Variants in TENM2 observed in about 807,000 individuals in gnomAD.
The protein encoded by TENM2 is teneurin-2.
TENM2 carries 52 observed loss-of-function variants against 245.2 expected under a neutral mutation model. The observed-to-expected ratio is 0.21, with a 90% CI of 0.17 to 0.27. The LOEUF (loss-of-function observed/expected upper bound fraction) is 0.27, where lower values mean the gene tolerates loss of function less well. TENM2 is among the 10% of genes least tolerant of loss of function. The pLI is 1.00. For synonymous variants in TENM2, 1,363 were observed against 1,438.9 expected, an observed-to-expected ratio of 0.95 and a Z score of 1.19; for missense variants, 3,046 against 3,666.8, an observed-to-expected ratio of 0.83 and a Z score of 4.37.
At chr5:167,075,098 A>T in the TENM2 span, among the ~76,000 whole-genome samples, 2 of 152,154 alleles carry the variant, frequency 1.3e-5, no homozygotes, top group East Asian at 1.9e-4. Context: ...TTTGGAAGAA[A>T]TAGGAAGGCG....
intron 2 of TENM2, among the ~76,000 whole-genome samples, chr5:167,745,388 A>G (rs1761485808): frequency 6.6e-6 from 1 of 152,238 alleles, no homozygotes; most frequent in Admixed American, 6.5e-5. Flanking sequence ...CAGTGTCTCC[A>G]TGCTGGCTAT....
chr5:167,847,818 A>C (rs1421983), intron 2 of TENM2, among the ~76,000 whole-genome samples: 103,832 of 152,110 alleles, frequency 0.68, 36,507 homozygotes, highest in South Asian at 0.79. Flanking sequence ...TCTGTGTCTC[A>C]TGCAGAGATT....
exon 1 of TENM2, chr5:167,284,904 A>T: frequency 6.4e-7 from 1 of 1,551,746 alleles, no homozygotes; most frequent in Non-Finnish European, 8.7e-7. Flanking sequence ...GTGTCGCTAC[A>T]CAAGCTCCTC....
the TENM2 span, among the ~76,000 whole-genome samples, chr5:167,027,604 A>G: frequency 6.6e-6 from 1 of 152,212 alleles, no homozygotes; most frequent in Non-Finnish European, 1.5e-5. Context: ...ATTTTGAAAA[A>G]AATTCAAACT....
At chr5:167,461,153 GTTCATA>G (rs915736977) in intron 2 of TENM2, among the ~76,000 whole-genome samples, 5 of 151,066 alleles carry the variant, frequency 3.3e-5, no homozygotes, top group East Asian at 3.9e-4. Flanking sequence ...AAGTTATTTT[GTTCATA>G]TTCATATATA....
intron 2 of TENM2, among the ~76,000 whole-genome samples, chr5:167,840,550 GC>G (rs1276007699): frequency 6.6e-6 from 1 of 151,616 alleles, no homozygotes; most frequent in Non-Finnish European, 1.5e-5. Flanking sequence ...TCCTCCCCCA[GC>G]CCCCCACAAT....
intron 2 of TENM2, chr5:167,660,608 T>C (rs1755147072): frequency 1.3e-5 from 2 of 151,886 alleles, no homozygotes; most frequent in South Asian, 4.2e-4. Flanking sequence ...TATTAAAGGC[T>C]CTAAGAAGTC....
At chr5:168,036,664 A>AT (rs56397479) in intron 5 of TENM2, among the ~76,000 whole-genome samples, 1 of 101,336 alleles carries the variant, frequency 9.9e-6, no homozygotes, top group South Asian at 3.2e-4. Flanking sequence ...ATATATATAT[A>AT]ATATATGTAT....
chr5:168,036,042 G>T (rs866247740), intron 5 of TENM2, among the ~76,000 whole-genome samples: 41 of 152,136 alleles, frequency 2.7e-4, no homozygotes, highest in African/African-American at 9.2e-4. Flanking sequence ...GAGCATGCAG[G>T]TCAGGGAGAG....
chr5:167,402,605 C>G (rs916345293), intron 2 of TENM2, among the ~76,000 whole-genome samples: 1 of 151,694 alleles, frequency 6.6e-6, no homozygotes, highest in African/African-American at 2.4e-5. Context: ...TGTAGATTCT[C>G]TCTTTCTCCT....
intron 2 of TENM2, 107 bp from the exon 5 acceptor site, chr5:167,875,879 T>C: frequency 1.4e-6 from 1 of 725,926 alleles, no homozygotes; most frequent in South Asian, 1.9e-5. Flanking sequence ...TCATTTCTTT[T>C]TTTTTTTTTT....
rs956050540 is a variant in TENM2, at chr5:167,993,293, C to T, written c.1186+111C>T. The T allele has an allele frequency of 8.7e-6, 7 of 801,696 alleles. No homozygotes were observed. The Admixed American group carries it at 1.8e-4, about 21-fold the overall frequency. 49.7% of individuals were successfully genotyped at this position (801,696 alleles called of 1,614,324 possible). The stretch of plus-strand genomic sequence containing the variant: ...GATGTCTGTACAGTTTGCTTCTTTG[C>T]TCCTGAAAGATGTGATAATGAGTGA... On this transcript the variant is annotated intron_variant, in intron 5 of 28. Coordinates refer to ENST00000518659, the Ensembl canonical transcript of TENM2.
intron 2 of TENM2, among the ~76,000 whole-genome samples, chr5:167,551,239 T>A (rs1772918903): frequency 6.6e-6 from 1 of 152,190 alleles, no homozygotes; most frequent in Non-Finnish European, 1.5e-5. Flanking sequence ...GAAAATAGTG[T>A]TGACTATGTG....
chr5:167,386,806 A>G (rs1399206703), intron 2 of TENM2, among the ~76,000 whole-genome samples: 1 of 152,124 alleles, frequency 6.6e-6, no homozygotes, highest in Non-Finnish European at 1.5e-5. Flanking sequence ...TGCATTGTTG[A>G]AGATCAGTTC....
At chr5:167,814,483 AAAAG>A (rs957473192) in intron 2 of TENM2, among the ~76,000 whole-genome samples, 8 of 151,366 alleles carry the variant, frequency 5.3e-5, no homozygotes, top group African/African-American at 1.5e-4. Flanking sequence ...AAAGAAAAGA[AAAAG>A]AAAGAAAAGC....
At chr5:168,216,673 A>AT in intron 21 of TENM2, 95 bp from the exon 24 acceptor site, 1 of 1,214,086 alleles carries the variant, frequency 8.2e-7, no homozygotes, top group Non-Finnish European at 1.2e-6. Context: ...TCTCTGGTCT[A>AT]AGCAGAGTGC....
the TENM2 span, among the ~76,000 whole-genome samples, chr5:167,276,057 C>T: frequency 6.6e-6 from 1 of 151,884 alleles, no homozygotes; most frequent in African/African-American, 2.4e-5. Flanking sequence ...CTCTTTTGTT[C>T]ATGGTGTGTA....
chr5:168,127,048 A>C (rs1795904037), intron 12 of TENM2, 82 bp downstream of exon 14: 1 of 1,192,098 alleles, frequency 8.4e-7, no homozygotes, highest in African/African-American at 1.5e-5. Flanking sequence ...CAGGGACACA[A>C]GTGCTCTCCC....
chr5:167,759,850 C>G (rs1762545778), intron 2 of TENM2, among the ~76,000 whole-genome samples: 1 of 152,114 alleles, frequency 6.6e-6, no homozygotes. Flanking sequence ...GCTGACAAAC[C>G]CCACCTGGAG....
Sources: gnomAD v4.1 joint callset for allele counts (sites outside exome capture counted in the v4.1 genomes callset) on GRCh38, gnomAD v4.1.1 for gene constraint, MANE v1.5 for transcripts, NCBI Gene and HGNC (gene_info 2026-07-23, HGNC 2026-07-21) for gene names.